Variants in RGS7 observed in about 807,000 individuals in gnomAD.
RGS7 encodes regulator of G-protein signaling 7.
In RGS7, 27 loss-of-function variants were observed where a neutral mutation model predicts 81.1. That is an observed-to-expected ratio of 0.33 (90% CI 0.25 to 0.46). The LOEUF (loss-of-function observed/expected upper bound fraction) is 0.46, where lower values mean the gene tolerates loss of function less well. Ranked by LOEUF, RGS7 falls within the 20% of genes least tolerant of loss-of-function variation. The pLI is 1.00. For missense variants in RGS7, 396 were observed against 607.4 expected, an observed-to-expected ratio of 0.65 and a Z score of 3.66; for synonymous variants, 208 against 207.7, an observed-to-expected ratio of 1.00 and a Z score of -0.01.
chr1:240,880,698 G>A (rs1666220875), intron 6 of RGS7, among the ~76,000 whole-genome samples: 2 of 152,278 alleles, frequency 1.3e-5, no homozygotes, highest in South Asian at 4.1e-4. Flanking sequence ...CAGCCCTCAT[G>A]CATCAATATG....
At chr1:240,918,437 C>T (rs1672950690) in intron 6 of RGS7, among the ~76,000 whole-genome samples, 1 of 151,926 alleles carries the variant, frequency 6.6e-6, no homozygotes, top group South Asian at 2.1e-4. Context: ...AAATCAACAA[C>T]AGAAAGAAGC....
At chr1:241,326,189 T>C (rs530094079) in intron 2 of RGS7, among the ~76,000 whole-genome samples, 10 of 152,120 alleles carry the variant, frequency 6.6e-5, no homozygotes, top group Non-Finnish European at 1.3e-4. Context: ...AATTGGAAAA[T>C]ACTGAGGGAC....
At chr1:241,300,387 A>G (rs535561314) in intron 2 of RGS7, among the ~76,000 whole-genome samples, 1 of 152,220 alleles carries the variant, frequency 6.6e-6, no homozygotes, top group East Asian at 1.9e-4. Flanking sequence ...AGGGTATCAA[A>G]TATCAAAAAT....
At chr1:241,032,478 A>G (rs978647864) in intron 3 of RGS7, among the ~76,000 whole-genome samples, 3 of 152,150 alleles carry the variant, frequency 2.0e-5, no homozygotes, top group Non-Finnish European at 4.4e-5. Context: ...TTGGTTCCAT[A>G]TGAATTTTAG....
chr1:241,296,960 G>A (rs149584233), intron 2 of RGS7, among the ~76,000 whole-genome samples: 36 of 151,262 alleles, frequency 2.4e-4, no homozygotes, highest in African/African-American at 6.6e-4. Context: ...CACAATTTTC[G>A]CAGCTCCTTT....
rs1325742776 is a variant in RGS7, at chr1:240,962,388, G to A, written c.226+20691C>T. Among the ~76,000 whole-genome samples the A allele has an allele frequency of 2.0e-5, 3 of 152,116 alleles. No homozygotes were observed. In the East Asian group the frequency reaches 5.8e-4, roughly 29 times the overall value. The stretch of plus-strand genomic sequence containing the variant: ...AGTCTCTTAAAAATCTATCTCTGCT[G>A]TAGCTTCCCCTTTCCTTTGTTTCTC... On this transcript the variant is annotated intron_variant, in intron 4 of 18. Transcript: ENST00000440928.
At chr1:240,847,603 C>A (rs1270918546) in intron 9 of RGS7, among the ~76,000 whole-genome samples, 1 of 152,126 alleles carries the variant, frequency 6.6e-6, no homozygotes, top group Non-Finnish European at 1.5e-5. Flanking sequence ...GCATTTAGCT[C>A]TTGACACAAT....
chr1:241,077,998 T>A (rs965527327), intron 3 of RGS7, among the ~76,000 whole-genome samples: 1 of 151,954 alleles, frequency 6.6e-6, no homozygotes, highest in Middle Eastern at 3.4e-3. Flanking sequence ...CACAGACCAC[T>A]GACTTATTGG....
At chr1:240,811,797 A>T in intron 14 of RGS7, 121 bp downstream of exon 14, 1 of 931,994 alleles carries the variant, frequency 1.1e-6, no homozygotes, top group Non-Finnish European at 1.7e-6. Flanking sequence ...CAGAAATTCA[A>T]TGGGTTCATG....
chr1:240,866,755 A>G lies in RGS7; in HGVS notation c.609+1832T>C, dbSNP rs552029343. 2.2e-3 allele frequency among the ~76,000 whole-genome samples: 339 copies of G among 152,262 alleles called. 2 individuals are homozygous for G. Among genetic ancestry groups the G allele is most frequent in the Non-Finnish European group, 3.2e-3 (218 of 68,010 alleles). ...GATTCTGCCTCCAACAGAGGCACAC[A>G]AAGGGCTAAGGCAATGGAGCAGGGG... On this transcript the variant is annotated intron_variant, in intron 9 of 18. Coordinates refer to ENST00000440928, the MANE Select transcript of RGS7 (RefSeq NM_001364886.1).
At chr1:240,797,164 G>A (rs1249620199) in intron 18 of RGS7, among the ~76,000 whole-genome samples, 1 of 152,102 alleles carries the variant, frequency 6.6e-6, no homozygotes, top group Non-Finnish European at 1.5e-5. Flanking sequence ...CTACTTTCCG[G>A]GAAACTGATA....
chr1:240,952,839 G>GA (rs1679789311), intron 4 of RGS7, among the ~76,000 whole-genome samples: 1 of 6,844 alleles, frequency 1.5e-4, no homozygotes, highest in East Asian at 0.025. Context: ...TTAAAAGGGG[G>GA]GAAAAGAGAT....
intron 2 of RGS7, among the ~76,000 whole-genome samples, chr1:241,320,810 G>A (rs1368115554): frequency 2.0e-5 from 3 of 152,124 alleles, no homozygotes; most frequent in African/African-American, 4.8e-5. Context: ...TCTGTAGCAG[G>A]AACAAAAAGG....
chr1:241,191,310 T>A (rs10926428), intron 2 of RGS7, among the ~76,000 whole-genome samples: 43 of 152,332 alleles, frequency 2.8e-4, no homozygotes, highest in African/African-American at 8.9e-4. Context: ...AGAATTTTTT[T>A]ATCATAAATG....
intron 4 of RGS7, among the ~76,000 whole-genome samples, chr1:240,955,183 G>A (rs1181431508): frequency 1.3e-5 from 2 of 152,104 alleles, no homozygotes; most frequent in Admixed American, 6.6e-5. Context: ...AAGATTCAAT[G>A]CTATACCAGT....
chr1:241,085,840 T>C (rs2063403886), intron 3 of RGS7, among the ~76,000 whole-genome samples: 1 of 152,210 alleles, frequency 6.6e-6, no homozygotes, highest in African/African-American at 2.4e-5. Flanking sequence ...AAGACTCAAA[T>C]AAAACCACTG....
intron 6 of RGS7, among the ~76,000 whole-genome samples, chr1:240,877,665 T>A (rs554961239): frequency 4.6e-5 from 7 of 152,198 alleles, no homozygotes; most frequent in Non-Finnish European, 1.0e-4. Context: ...ATTGGACATT[T>A]GGGTGATAGC....
At chr1:241,074,266 A>G (rs901582012) in intron 3 of RGS7, among the ~76,000 whole-genome samples, 1 of 152,216 alleles carries the variant, frequency 6.6e-6, no homozygotes, top group Non-Finnish European at 1.5e-5. Context: ...ACCCAAAGAA[A>G]TAGAAGTATG....
At chr1:240,926,969 G>A (rs1456991218) in intron 6 of RGS7, among the ~76,000 whole-genome samples, 2 of 152,158 alleles carry the variant, frequency 1.3e-5, no homozygotes, top group African/African-American at 4.8e-5. Context: ...ATCTATTGAG[G>A]CTTATGTTCA....
Sources: gnomAD v4.1 joint callset for allele counts (sites outside exome capture counted in the v4.1 genomes callset) on GRCh38, gnomAD v4.1.1 for gene constraint, MANE v1.5 for transcripts, NCBI Gene and HGNC (gene_info 2026-07-23, HGNC 2026-07-21) for gene names.